The following KMT2B variants were observed in gnomAD, a reference collection of about 807,000 sequenced individuals.
KMT2B encodes histone-lysine N-methyltransferase 2B.
KMT2B carries 22 observed loss-of-function variants against 255.3 expected under a neutral mutation model. The observed-to-expected ratio is 0.09, with a 90% confidence interval of 0.06 to 0.12. KMT2B has a LOEUF of 0.12. Ranked by LOEUF, KMT2B falls within the 10% of genes least tolerant of loss-of-function variation. KMT2B has a pLI of 1.00. For missense variants in KMT2B, 3,149 were observed against 3,737.0 expected (o/e 0.84, Z 4.10); for synonymous variants, 1,730 against 1,498.1 (o/e 1.15, Z -3.57).
Position 35,723,970 on chromosome 19 carries a change from C to T in KMT2B, c.3297C>T (p.Gly1099=), listed in dbSNP as rs756495954. 79 of 1,600,136 alleles carry T rather than the reference C, an allele frequency of 4.9e-5. No homozygotes were observed. Among genetic ancestry groups the T allele is most frequent in the East Asian group, 1.6e-4 (7 of 44,612 alleles). Residue 1099 remains glycine, a synonymous_variant, in exon 8 of 37, where the codon GGC becomes GGT. Coordinates refer to ENST00000420124, the MANE Select transcript of KMT2B (RefSeq NM_014727.3). This position sits in a 1 kb window ranked among gnomAD's most constrained non-coding sequence, Gnocchi z 7.5. ...FEDSDDSEPG[G]PPAPRRRTPR... is the part of the protein sequence containing the mutation. The stretch of plus-strand genomic sequence containing the variant: ...ATTCGGATGACTCGGAGCCCGGGGG[C>T]CCCCCTGCTCCTCGGCGTCGGACCC...
Position 35,725,402 on chromosome 19 carries a change from CCT to C in KMT2B, c.3642+73_3643-72del. On this transcript the variant is annotated intron_variant, in intron 11 of 36. Coordinates refer to ENST00000420124, the MANE Select transcript of KMT2B (RefSeq NM_014727.3). The surrounding 1 kb of genome is among the most constrained non-coding windows in gnomAD (Gnocchi z 4.1). ...GTCCTCACGGCCTGATTCCTTGGGC[CCT>C]CTCAGCTGGGTCTCATCCCTTGGCC... is the stretch of plus-strand genomic sequence containing the variant. 2 of 1,581,198 alleles carry C rather than the reference CCT, an allele frequency of 1.3e-6. No homozygotes were observed. Among genetic ancestry groups the C allele is most frequent in the Non-Finnish European group, 1.7e-6 (2 of 1,162,534 alleles).
At position 35,733,031 on chromosome 19, in the gene KMT2B, G is replaced by A. The variant is rs747873093; in HGVS notation, c.6482G>A (p.Arg2161His). Residue 2161 changes from arginine (R) to histidine (H), a missense_variant, in exon 28 of 37, where the codon CGC becomes CAC. Transcript: ENST00000420124. This position sits in a 1 kb window ranked among gnomAD's most constrained non-coding sequence, Gnocchi z 4.3. ...ACCGCCAGCCCAGCTGACCCCACCC[G>A]CACATTTGCCTGGCTCCCAGGGGCC... Reference protein sequence around the residue: ...GLTASPADPTRTFAWLPGAPG... With the variant: ...GLTASPADPTHTFAWLPGAPG... 17 of 1,590,350 alleles carry A rather than the reference G, an allele frequency of 1.1e-5. No homozygotes were observed. Among genetic ancestry groups the A allele is most frequent in the African/African-American group, 2.7e-5 (2 of 74,348 alleles).
At position 35,732,372 on chromosome 19, in the gene KMT2B, G is replaced by C. The variant is rs1192521584; in HGVS notation, c.5823G>C (p.Val1941=). The change falls in exon 28 of 37, where the codon GTG becomes GTC. Residue 1941 remains valine, a synonymous_variant. Transcript: ENST00000420124. ...PPLKTSPQLR[V]PPPTSVVTAL... ...TAAAAACCTCCCCTCAGCTCAGGGT[G>C]CCCCCTCCTACCTCAGTCGTCACAG... 1 of 1,612,732 alleles carries C rather than the reference G, an allele frequency of 6.2e-7. No individual in the cohort carries two copies. The highest frequency in any genetic ancestry group is 8.5e-7 in the Non-Finnish European group (1 of 1,179,340).
intron 8 of KMT2B, 44 bp downstream of exon 8, chr19:35,724,051 C>T (rs757105484): frequency 2.6e-5 from 40 of 1,521,692 alleles, no homozygotes; most frequent in South Asian, 4.9e-5. Context: ...TTTATTTGGT[C>T]TTGTGTCTTT....
chr19:35,729,381 C>T (rs561265363), intron 22 of KMT2B, 85 bp downstream of exon 22: 685 of 1,488,902 alleles, frequency 4.6e-4, no homozygotes, highest in Non-Finnish European at 5.8e-4. Flanking sequence ...ACTTCACATT[C>T]CCTACCTGGC....
In KMT2B at chr19:35,727,996, C is replaced by A; in HGVS notation, c.4497+11C>A. The A allele has an allele frequency of 6.4e-7, 1 of 1,553,644 alleles. No individual in the cohort carries two copies. The highest frequency in any genetic ancestry group is 8.7e-7 in the Non-Finnish European group (1 of 1,146,672). On this transcript the variant is annotated intron_variant, in intron 18 of 36. Transcript: ENST00000420124. The surrounding 1 kb of genome is among the most constrained non-coding windows in gnomAD (Gnocchi z 4.2). ...GGGCTCCTGCTGAAGGTGAGCTCTT[C>A]CGGGGATGCTTGTGGGGTGGGGGAG...
In KMT2B at chr19:35,723,790, C is replaced by A; in HGVS notation, c.3117C>A (p.Ser1039=). Residue 1039 remains serine, a synonymous_variant, in exon 8 of 37, where the codon TCC becomes TCA. Coordinates refer to ENST00000420124, the MANE Select transcript of KMT2B (RefSeq NM_014727.3). This position sits in a 1 kb window ranked among gnomAD's most constrained non-coding sequence, Gnocchi z 7.5. ...ATTCCGATGAATCTCCTGAGGCCTC[C>A]CCTGGTCCTCCAGGCCCACGCCGGG... ...PWDSDESPEA[S]PGPPGPRRGA... is the part of the protein sequence containing the mutation. The A allele has an allele frequency of 6.3e-7, 1 of 1,584,788 alleles. No homozygotes were observed. Among genetic ancestry groups the A allele is most frequent in the African/African-American group, 1.4e-5 (1 of 73,834 alleles).
In KMT2B at chr19:35,720,762, C is replaced by T; in HGVS notation, c.1415C>T (p.Pro472Leu). Residue 472 changes from proline to leucine, a missense_variant, in exon 3 of 37, where the codon CCT becomes CTT. Physicochemically the swap from Pro to Leu is moderately conservative, Grantham distance 98. This residue lies in a region of KMT2B where 1,188 missense variants were observed against 1,106.4 expected (regional missense o/e 1.07). Transcript: ENST00000420124. Reference protein sequence around the residue: ...PATCSRKRGRPPLTPSQRAER... With the variant: ...PATCSRKRGRLPLTPSQRAER... The stretch of plus-strand genomic sequence containing the variant: ...ACGTGCTCCAGGAAGAGGGGCCGGC[C>T]TCCCCTGACTCCCAGCCAGCGGGCG... The T allele has an allele frequency of 2.7e-6, 4 of 1,475,412 alleles. No individual in the cohort carries two copies. The highest frequency in any genetic ancestry group is 1.4e-5 in the African/African-American group (1 of 70,540). The allele number at this position is 1,475,412 out of a possible 1,614,324, so 91.4% of individuals were successfully genotyped here.
chr19:35,733,893 C>G lies in KMT2B; in HGVS notation c.7159+21C>G, dbSNP rs376308007. On this transcript the variant is annotated intron_variant, in intron 30 of 36. Transcript: ENST00000420124. The surrounding 1 kb of genome is among the most constrained non-coding windows in gnomAD (Gnocchi z 4.3). ...TTCAGGTAGGGACCGGCCTTGCCCT[C>G]TCCCTCCTTGCCTGTGCCTGGCTCA... 9.1e-5 allele frequency: 142 copies of G among 1,556,982 alleles called. No individual in the cohort carries two copies. The highest frequency in any genetic ancestry group is 1.2e-4 in the Non-Finnish European group (140 of 1,131,232).
Position 35,737,053 on chromosome 19 carries a change from CAT to C in KMT2B, c.7373-32_7373-31del, listed in dbSNP as rs1969946834. 6.2e-7 allele frequency: 1 copy of C among 1,610,176 alleles called. No homozygotes were observed. The highest frequency in any genetic ancestry group is 8.5e-7 in the Non-Finnish European group (1 of 1,177,974). The stretch of plus-strand genomic sequence containing the variant: ...CCCCGAGGGCACCATGGGCCCTCCA[CAT>C]GACAGGTGTGTCCTCAACATCTCCC... On this transcript the variant is annotated intron_variant, in intron 32 of 36. Transcript: ENST00000420124. This position sits in a 1 kb window ranked among gnomAD's most constrained non-coding sequence, Gnocchi z 5.3.
In KMT2B at chr19:35,732,976, G is replaced by C. The variant is rs759383544; in HGVS notation, c.6427G>C (p.Ala2143Pro). The C allele has an allele frequency of 6.2e-7, 1 of 1,602,222 alleles. No homozygotes were observed. Among genetic ancestry groups the C allele is most frequent in the Admixed American group, 1.7e-5 (1 of 58,614 alleles). Residue 2143 changes from alanine to proline, a missense_variant, in exon 28 of 37, where the codon GCT becomes CCT. Around this residue, in one of 18 missense-constraint regions of KMT2B, gnomAD observed 897 missense variants for 825.3 expected, o/e 1.09. Coordinates refer to ENST00000420124, the MANE Select transcript of KMT2B (RefSeq NM_014727.3). Reference sequence around the variant, plus strand: ...GTCACTCCCCCCGGCGCCTCCCCTGGCTAATGGCAGCCAGCCCTCCCAAGG... The same window carrying C: ...GTCACTCCCCCCGGCGCCTCCCCTGCCTAATGGCAGCCAGCCCTCCCAAGG... The part of the protein sequence containing the change: ...EESLPPAPPL[A>P]NGSQPSQGLT...
chr19:35,722,755 G>A (rs1184708024), intron 5 of KMT2B, 37 bp downstream of exon 5: 3 of 1,549,764 alleles, frequency 1.9e-6, no homozygotes, highest in Non-Finnish European at 2.6e-6. Flanking sequence ...TCAGGTTTGG[G>A]GATGACCCCA....
rs749130618 is a variant in KMT2B, at chr19:35,732,328, C to T, written c.5779C>T (p.Arg1927Trp). Residue 1927 changes from arginine (R) to tryptophan (W), a missense_variant, in exon 28 of 37, where the codon CGG (arginine) becomes TGG (tryptophan). Physicochemically the swap from Arg to Trp is moderately radical, Grantham distance 101 (BLOSUM62 -3). Around this residue, in one of 18 missense-constraint regions of KMT2B, gnomAD observed 897 missense variants for 825.3 expected, o/e 1.09. Transcript: ENST00000420124. ...TTTGGCTCCCAGGCCGCCTCCATCA[C>T]GGTGGGCCTCCCCTCCTCTAAAAAC... ...SPLAPRPPPS[R>W]WASPPLKTSP... 1.4e-5 allele frequency: 23 copies of T among 1,611,002 alleles called. No homozygotes were observed. Among genetic ancestry groups the T allele is most frequent in the Middle Eastern group, 1.6e-4 (1 of 6,076 alleles).
Position 35,719,528 on chromosome 19 carries a change from C to A in KMT2B, c.423C>A (p.Leu141=). 6.3e-7 allele frequency: 1 copy of A among 1,589,846 alleles called. No individual in the cohort carries two copies. The highest frequency in any genetic ancestry group is 1.8e-5 in the Admixed American group (1 of 56,286). ...DVAPSSLRSA[L]RSQRGRAPRG... is the part of the protein sequence containing the mutation. The stretch of plus-strand genomic sequence containing the variant: ...CCCCCAGTTCCCTGCGCTCTGCGCT[C>A]CGATCCCAGCGAGGTGAGTGACGGG... Residue 141 remains leucine, a synonymous_variant, in exon 2 of 37, where the codon CTC becomes CTA. Coordinates refer to ENST00000420124, the MANE Select transcript of KMT2B (RefSeq NM_014727.3).
At position 35,723,784 on chromosome 19, in the gene KMT2B, G is replaced by A. The variant is rs1969314324; in HGVS notation, c.3111G>A (p.Glu1037=). The A allele has an allele frequency of 6.3e-7, 1 of 1,575,816 alleles. No homozygotes were observed. The highest frequency in any genetic ancestry group is 8.6e-7 in the Non-Finnish European group (1 of 1,159,996). ...CCTGGGATTCCGATGAATCTCCTGA[G>A]GCCTCCCCTGGTCCTCCAGGCCCAC... is the stretch of plus-strand genomic sequence containing the variant. ...LLPWDSDESP[E]ASPGPPGPRR... The change falls in exon 8 of 37, where the codon GAG becomes GAA. Residue 1037 remains glutamate (E), a synonymous_variant. Transcript: ENST00000420124. This position sits in a 1 kb window ranked among gnomAD's most constrained non-coding sequence, Gnocchi z 7.5.
In KMT2B at chr19:35,738,869, AAT is replaced by A; in HGVS notation, c.*313_*314del. 2.1e-6 allele frequency: 1 copy of A among 471,580 alleles called. No homozygotes were observed. Among genetic ancestry groups the A allele is most frequent in the Non-Finnish European group, 3.8e-6 (1 of 265,372 alleles). The allele number at this position is 471,580 out of a possible 1,614,324, so 29.2% of individuals were successfully genotyped here. A position where few individuals can be genotyped will look rare whatever the true frequency, so the allele number is the denominator to read the frequency against. ...GAACCCCCCCACAATAAAGTCTGTC[AAT>A]GTTTGGAGAGGTGGTCTTCCCATTT... On this transcript the variant is annotated 3_prime_UTR_variant, in exon 37 of 37. Transcript: ENST00000420124. This position sits in a 1 kb window ranked among gnomAD's most constrained non-coding sequence, Gnocchi z 8.7.
Position 35,738,703 on chromosome 19 carries a change from G to C in KMT2B, c.*146G>C, listed in dbSNP as rs1970018332. On this transcript the variant is annotated 3_prime_UTR_variant, in exon 37 of 37. Coordinates refer to ENST00000420124, the MANE Select transcript of KMT2B (RefSeq NM_014727.3). This position sits in a 1 kb window ranked among gnomAD's most constrained non-coding sequence, Gnocchi z 8.7. Reference sequence around the variant, plus strand: ...TGGATGTGGGCATGCAGGTGACAAGGGCCCTGCCTCCACCCCTCCAGCCCA... The same window carrying C: ...TGGATGTGGGCATGCAGGTGACAAGCGCCCTGCCTCCACCCCTCCAGCCCA... The C allele has an allele frequency of 1.1e-6, 1 of 891,920 alleles. No individual in the cohort carries two copies. Among genetic ancestry groups the C allele is most frequent in the African/African-American group, 1.7e-5 (1 of 59,332 alleles). The allele number at this position is 891,920 out of a possible 1,614,324, so 55.3% of individuals were successfully genotyped here. A position where few individuals can be genotyped will look rare whatever the true frequency, so the allele number is the denominator to read the frequency against.
At chr19:35,735,098 T>C (rs2280743) in intron 30 of KMT2B, 38,624 of 152,044 alleles carry the variant, frequency 0.25, 5,031 homozygotes, top group South Asian at 0.38. Flanking sequence ...CTGCTGTGTT[T>C]GGGAAACTGG....
At position 35,738,212 on chromosome 19, in the gene KMT2B, G is replaced by A. The variant is rs752020352; in HGVS notation, c.7872+21G>A. On this transcript the variant is annotated intron_variant, in intron 36 of 36. Transcript: ENST00000420124. This position sits in a 1 kb window ranked among gnomAD's most constrained non-coding sequence, Gnocchi z 8.7. ...GGAAGGTGGGCTCCCAGTGGCTGTG[G>A]GAAGACAGTGGGTGAAGCGAGCCTG... The A allele has an allele frequency of 1.2e-6, 2 of 1,613,614 alleles. No individual in the cohort carries two copies. The highest frequency in any genetic ancestry group is 1.7e-5 in the Admixed American group (1 of 59,968).
Sources: gnomAD v4.1 joint callset for allele counts on GRCh38, gnomAD v4.1.1 for gene constraint, gnomAD v4.1.1 regional missense constraint, Gnocchi (gnomAD v3.1) non-coding constraint, MANE v1.5 for transcripts, NCBI Gene and HGNC (gene_info 2026-07-23, HGNC 2026-07-21) for gene names.